Variants in BCL2L15 observed in about 807,000 individuals in gnomAD.
The protein encoded by BCL2L15 is BCL2 like 15.
Under a neutral mutation model 18.3 loss-of-function variants are expected in BCL2L15, and 15 were observed. That is an observed-to-expected ratio of 0.82 (90% CI 0.55 to 1.26). The LOEUF (loss-of-function observed/expected upper bound fraction) is 1.26. BCL2L15 is among the 50% of genes most tolerant of loss of function. The pLI, the probability that BCL2L15 is intolerant of heterozygous loss-of-function variation, is 0.00. For missense variants in BCL2L15, 180 were observed against 201.7 expected, an observed-to-expected ratio of 0.89 and a Z score of 0.65; for synonymous variants, 58 against 68.5, an observed-to-expected ratio of 0.85 and a Z score of 0.76.
rs968328696 is a variant in BCL2L15 at position 113,880,068 on chromosome 1, C to T, written c.*1055G>A. ...GTCCACAAGTGGTGTGTGAACCACA[C>T]TTTTAAAGCTTTGTGTTATGCAGCT... On this transcript the variant is annotated 3_prime_UTR_variant, in exon 4 of 4. Coordinates refer to ENST00000393316, the MANE Select transcript of BCL2L15 (RefSeq NM_001010922.3). The T allele has an allele frequency of 6.6e-6, 1 of 152,302 alleles. No homozygotes were observed. The highest frequency in any genetic ancestry group is 2.4e-5 in the African/African-American group (1 of 41,448). 9.4% of individuals were successfully genotyped at this position (152,302 alleles called of 1,614,324 possible). A position where few individuals can be genotyped will look rare whatever the true frequency, so the allele number is the denominator to read the frequency against.
At chr1:113,881,242 T>G in intron 3 of BCL2L15, 102 bp from the exon 4 acceptor site, 2 of 1,542,046 alleles carry the variant, frequency 1.3e-6, no homozygotes, top group Non-Finnish European at 1.8e-6. Flanking sequence ...AATGTAGCTC[T>G]TATTAAGGCT....
intron 2 of BCL2L15, among the ~76,000 whole-genome samples, chr1:113,885,270 G>C (rs938197474): frequency 6.6e-6 from 1 of 151,260 alleles, no homozygotes; most frequent in African/African-American, 2.4e-5. Context: ...AAAAAAATAT[G>C]TTTAATGAGA....
chr1:113,882,649 A>T (rs528574223), intron 2 of BCL2L15, among the ~76,000 whole-genome samples: 11 of 151,908 alleles, frequency 7.2e-5, no homozygotes, highest in Non-Finnish European at 1.5e-4. Context: ...CATCTCAAAT[A>T]AAAAAAAGAC....
At chr1:113,886,792 G>A (rs1226817354) in intron 1 of BCL2L15, 134 bp from the exon 2 acceptor site, 2 of 795,488 alleles carry the variant, frequency 2.5e-6, no homozygotes. Context: ...TAAATGTTCT[G>A]TCAACACCAA....
intron 2 of BCL2L15, among the ~76,000 whole-genome samples, chr1:113,886,045 T>A (rs1667021673): frequency 6.6e-6 from 1 of 151,238 alleles, no homozygotes; most frequent in Non-Finnish European, 1.5e-5. Context: ...CCATCTTTAC[T>A]AAAAATAAAA....
intron 2 of BCL2L15, 48 bp downstream of exon 2, chr1:113,886,489 G>A (rs1667039214): frequency 1.3e-6 from 2 of 1,576,894 alleles, no homozygotes; most frequent in Non-Finnish European, 1.7e-6. Flanking sequence ...AAGGAAGTTT[G>A]AAATAGAAAA....
chr1:113,885,839 T>C (rs1571514608), intron 2 of BCL2L15, among the ~76,000 whole-genome samples: 1 of 150,898 alleles, frequency 6.6e-6, no homozygotes, highest in South Asian at 2.1e-4. Context: ...ACCCGGTGGG[T>C]GGAGGTTGCA....
rs1341173210 is a variant in BCL2L15, at chr1:113,881,767, A to G, written c.474+6T>C. 1 of 1,612,288 alleles carries G rather than the reference A, an allele frequency of 6.2e-7. No individual in the cohort carries two copies. Among genetic ancestry groups the G allele is most frequent in the South Asian group, 1.1e-5 (1 of 90,988 alleles). On this transcript the variant is annotated splice_donor_region_variant and intron_variant, in intron 3 of 3. Transcript: ENST00000393316. ...CTAGCAAAACCAGGAGCCCCAACAA[A>G]CTTACCCAACCTCCCTGGCCCTGGA...
At chr1:113,882,081 T>A in intron 2 of BCL2L15, 84 bp from the exon 3 acceptor site, 1 of 1,102,004 alleles carries the variant, frequency 9.1e-7, no homozygotes, top group Non-Finnish European at 1.3e-6. Context: ...GTAAAGCAAT[T>A]GTTTCTTAGA....
rs893263971 is a variant in BCL2L15 at position 113,878,881 on chromosome 1, C to T, written c.*2242G>A. ...CTTTTTTTTTTTTTAGACAGTTTCG[C>T]TTTTGTAGCCCAGGCTGGAGTGCAA... On this transcript the variant is annotated 3_prime_UTR_variant, in exon 4 of 4. Transcript: ENST00000393316. 6.0e-5 allele frequency: 9 copies of T among 150,742 alleles called. No homozygotes were observed. The highest frequency in any genetic ancestry group is 2.2e-4 in the African/African-American group (9 of 40,902). 9.3% of individuals were successfully genotyped at this position (150,742 alleles called of 1,614,324 possible).
intron 3 of BCL2L15, 165 bp downstream of exon 3, chr1:113,881,608 C>A: frequency 7.0e-7 from 1 of 1,432,820 alleles, no homozygotes; most frequent in East Asian, 2.5e-5. Flanking sequence ...CTTCTGTCTG[C>A]TCCATTTTTC....
chr1:113,880,820 C>T lies in BCL2L15; in HGVS notation c.*303G>A, dbSNP rs1666858736. The stretch of plus-strand genomic sequence containing the variant: ...TAATTCCACTACTAACAAGTCATTA[C>T]TTTGTGTCTAGGGGTCTTTGCTTCA... On this transcript the variant is annotated 3_prime_UTR_variant, in exon 4 of 4. Coordinates refer to ENST00000393316, the MANE Select transcript of BCL2L15 (RefSeq NM_001010922.3). 2.4e-6 allele frequency: 1 copy of T among 413,640 alleles called. No homozygotes were observed. The highest frequency in any genetic ancestry group is 2.0e-5 in the African/African-American group (1 of 49,462). The allele number at this position is 413,640 out of a possible 1,614,324, so 25.6% of individuals were successfully genotyped here.
rs1175979890 is a variant in BCL2L15, at chr1:113,881,874, G to A, written c.373C>T (p.His125Tyr). 3.1e-6 allele frequency: 5 copies of A among 1,614,070 alleles called. No homozygotes were observed. Among genetic ancestry groups the A allele is most frequent in the Admixed American group, 3.3e-5 (2 of 60,000 alleles). ...VSVKLLEYMA[H>Y]IAPEVVGQVA... The stretch of plus-strand genomic sequence containing the variant: ...TGTCCCACTACTTCAGGAGCAATGT[G>A]AGCCATGTACTCAAGAAGTTTCACT... Residue 125 changes from histidine to tyrosine, a missense_variant, in exon 3 of 4, where the codon CAC becomes TAC. Transcript: ENST00000393316.
intron 2 of BCL2L15, among the ~76,000 whole-genome samples, chr1:113,885,748 A>G (rs1274217762): frequency 1.3e-5 from 2 of 152,086 alleles, no homozygotes; most frequent in African/African-American, 4.8e-5. Flanking sequence ...ACCTCAGGTG[A>G]TCCGCCCAGA....
chr1:113,885,464 A>C (rs1230715), intron 2 of BCL2L15, among the ~76,000 whole-genome samples: 115,151 of 151,806 alleles, frequency 0.76, 44,706 homozygotes, highest in African/African-American at 0.93. Flanking sequence ...CTCTGTCGCC[A>C]AGGCTGGAGA....
chr1:113,884,926 C>A (rs1204918613), intron 2 of BCL2L15, among the ~76,000 whole-genome samples: 1 of 151,870 alleles, frequency 6.6e-6, no homozygotes, highest in African/African-American at 2.4e-5. Context: ...TTGTGTGCCA[C>A]CATGCCTGGC....
chr1:113,883,769 G>A (rs1057063021), intron 2 of BCL2L15, among the ~76,000 whole-genome samples: 1 of 152,190 alleles, frequency 6.6e-6, no homozygotes, highest in African/African-American at 2.4e-5. Context: ...GGACAACAGA[G>A]TGAGACCCCG....
chr1:113,885,783 C>T (rs897527181), intron 2 of BCL2L15, among the ~76,000 whole-genome samples: 4 of 151,996 alleles, frequency 2.6e-5, no homozygotes, highest in Admixed American at 2.6e-4. Flanking sequence ...TGGCTCACCC[C>T]TGTAGTCCCA....
chr1:113,883,589 C>T (rs1298730952), intron 2 of BCL2L15, among the ~76,000 whole-genome samples: 2 of 145,470 alleles, frequency 1.4e-5, no homozygotes, highest in Non-Finnish European at 3.0e-5. Flanking sequence ...GCCTGAGCAA[C>T]ATGGTAAAAC....
Sources: gnomAD v4.1 joint callset for allele counts (sites outside exome capture counted in the v4.1 genomes callset) on GRCh38, gnomAD v4.1.1 for gene constraint, MANE v1.5 for transcripts, NCBI Gene and HGNC (gene_info 2026-07-23, HGNC 2026-07-21) for gene names.